Variants in GRAP2 observed in about 807,000 individuals in gnomAD.
The protein encoded by GRAP2 is GRB2 related adaptor protein 2.
A neutral mutation model predicts 43.5 loss-of-function variants in GRAP2; 31 were observed. The ratio of observed to expected loss-of-function variants is 0.71; its 90% CI spans 0.54 to 0.96. GRAP2 has a LOEUF of 0.96. Ranked by LOEUF, GRAP2 falls within the 40% of genes least tolerant of loss-of-function variation. The pLI, the probability that GRAP2 is intolerant of heterozygous loss-of-function variation, is 0.00. For missense variants in GRAP2, 371 were observed against 424.4 expected, an observed-to-expected ratio of 0.87 and a Z score of 1.11; for synonymous variants, 156 against 164.8, an observed-to-expected ratio of 0.95 and a Z score of 0.41.
intron 2 of GRAP2, among the ~76,000 whole-genome samples, chr22:39,951,683 TA>T (rs2145645162): frequency 1.3e-5 from 2 of 152,040 alleles, no homozygotes; most frequent in East Asian, 1.9e-4. Context: ...GTACACGAGA[TA>T]GGGGGAACCG....
chr22:39,948,625 G>T (rs1308358353), intron 2 of GRAP2: 1 of 151,840 alleles, frequency 6.6e-6, no homozygotes, highest in Non-Finnish European at 1.5e-5. Flanking sequence ...TCTACACTGG[G>T]CGTGCTTCAC....
rs1347573041 is a variant in GRAP2, at chr22:39,968,231, C to A, written c.649C>A (p.Pro217Thr). 1.9e-6 allele frequency: 3 copies of A among 1,601,166 alleles called. No individual in the cohort carries two copies. The highest frequency in any genetic ancestry group is 1.6e-4 in the Middle Eastern group (1 of 6,062). Residue 217 changes from proline (P) to threonine (T), a missense_variant, in exon 6 of 8, where the codon CCC becomes ACC. By Grantham distance (38) the Pro-to-Thr change is conservative. Coordinates refer to ENST00000344138, the MANE Select transcript of GRAP2 (RefSeq NM_004810.4). ...YAPAPQQLQQ[P>T]PQQRYLQHHH... ...CCCAGCGCCCCAGCAGCTGCAGCAGCCCCCACAGCAGCGATATCTGCAGCA... is the reference window on the plus strand; with the variant it reads ...CCCAGCGCCCCAGCAGCTGCAGCAGACCCCACAGCAGCGATATCTGCAGCA...
chr22:39,937,524 A>G (rs568871278), intron 1 of GRAP2, among the ~76,000 whole-genome samples: 2 of 152,348 alleles, frequency 1.3e-5, no homozygotes, highest in African/African-American at 2.4e-5. Flanking sequence ...GAAAAGTAGT[A>G]TACGCTTGGT....
chr22:39,937,339 A>G (rs945456800), intron 1 of GRAP2, among the ~76,000 whole-genome samples: 1 of 152,090 alleles, frequency 6.6e-6, no homozygotes, highest in African/African-American at 2.4e-5. Context: ...CTGTTTCTCC[A>G]TCCACCATTT....
intron 1 of GRAP2, chr22:39,926,999 T>G (rs527640476): frequency 4.8e-6 from 1 of 206,634 alleles, no homozygotes; most frequent in Admixed American, 6.5e-5. Flanking sequence ...TCACTGGCTT[T>G]CTGAGGTGGA....
At chr22:39,916,096 C>G (rs1265611036) in intron 1 of GRAP2, among the ~76,000 whole-genome samples, 1 of 152,240 alleles carries the variant, frequency 6.6e-6, no homozygotes, top group Non-Finnish European at 1.5e-5. Flanking sequence ...CTTCCCAGCT[C>G]TGCCCCAGAT....
At chr22:39,966,655 G>A (rs1487655104) in intron 5 of GRAP2, among the ~76,000 whole-genome samples, 2 of 152,190 alleles carry the variant, frequency 1.3e-5, no homozygotes, top group Non-Finnish European at 2.9e-5. Context: ...ATGGGATTGG[G>A]GGTAGGGAGG....
intron 1 of GRAP2, among the ~76,000 whole-genome samples, chr22:39,903,663 G>T (rs1001850788): frequency 6.6e-6 from 1 of 151,952 alleles, no homozygotes; most frequent in Admixed American, 6.6e-5. Flanking sequence ...TTTTAGTAGA[G>T]ACAGGGTTTT....
chr22:39,960,222 C>G, intron 4 of GRAP2, 48 bp downstream of exon 4: 1 of 1,582,102 alleles, frequency 6.3e-7, no homozygotes, highest in Non-Finnish European at 8.7e-7. Flanking sequence ...GCCTGTTAAC[C>G]TCACAGAATG....
At chr22:39,937,362 C>T (rs1167958241) in intron 1 of GRAP2, among the ~76,000 whole-genome samples, 1 of 152,140 alleles carries the variant, frequency 6.6e-6, no homozygotes, top group Non-Finnish European at 1.5e-5. Flanking sequence ...CCCCACTTCC[C>T]CTTGGTTAGT....
chr22:39,936,821 G>T (rs1026019819), intron 1 of GRAP2, among the ~76,000 whole-genome samples: 13 of 152,182 alleles, frequency 8.5e-5, no homozygotes, highest in Admixed American at 8.5e-4. Flanking sequence ...TGATTGCTTG[G>T]TCTGAGGTCT....
intron 1 of GRAP2, among the ~76,000 whole-genome samples, chr22:39,940,997 C>T (rs1244167385): frequency 1.3e-5 from 2 of 152,108 alleles, no homozygotes; most frequent in African/African-American, 4.8e-5. Flanking sequence ...ATAAATCAGA[C>T]CTCTTAGTGT....
the GRAP2 span, among the ~76,000 whole-genome samples, chr22:39,895,870 G>A: frequency 1.3e-5 from 2 of 152,182 alleles, no homozygotes; most frequent in Non-Finnish European, 2.9e-5. Flanking sequence ...AGTCAGGGAA[G>A]GCTTCCTGGA....
intron 1 of GRAP2, among the ~76,000 whole-genome samples, chr22:39,915,874 C>T (rs914409231): frequency 1.3e-5 from 2 of 152,100 alleles, no homozygotes; most frequent in Non-Finnish European, 2.9e-5. Context: ...GGGAGGGGCA[C>T]GGACGCTTCC....
intron 1 of GRAP2, among the ~76,000 whole-genome samples, chr22:39,924,474 G>A (rs1228664311): frequency 4.6e-5 from 7 of 152,216 alleles, no homozygotes; most frequent in Non-Finnish European, 1.0e-4. Context: ...GCCGAAGTGG[G>A]TGGATCAACT....
intron 1 of GRAP2, among the ~76,000 whole-genome samples, chr22:39,929,133 A>G (rs548990686): frequency 3.0e-4 from 45 of 152,288 alleles, no homozygotes; most frequent in Non-Finnish European, 5.4e-4. Flanking sequence ...AGTCTTTTTA[A>G]TGGTATTGTA....
chr22:39,967,345 G>C (rs966522010), intron 5 of GRAP2, among the ~76,000 whole-genome samples: 1 of 152,178 alleles, frequency 6.6e-6, no homozygotes, highest in African/African-American at 2.4e-5. Context: ...TCACTAGGAT[G>C]GGCATTCAGA....
At chr22:39,915,809 G>C (rs1166892174) in intron 1 of GRAP2, among the ~76,000 whole-genome samples, 1 of 152,164 alleles carries the variant, frequency 6.6e-6, no homozygotes, top group Non-Finnish European at 1.5e-5. Flanking sequence ...GCAGCTGGAT[G>C]ATATGTAAAA....
intron 1 of GRAP2, among the ~76,000 whole-genome samples, chr22:39,907,659 T>C (rs890066317): frequency 1.8e-4 from 28 of 152,292 alleles, no homozygotes; most frequent in Admixed American, 1.4e-3. Context: ...GGAGGATCCC[T>C]TGAGCCCAAG....
Sources: gnomAD v4.1 joint callset for allele counts (sites outside exome capture counted in the v4.1 genomes callset) on GRCh38, gnomAD v4.1.1 for gene constraint, MANE v1.5 for transcripts, NCBI Gene and HGNC (gene_info 2026-07-23, HGNC 2026-07-21) for gene names.